The following RBFOX1 variants were observed in gnomAD, a reference collection of about 807,000 sequenced individuals.
RBFOX1 encodes RNA binding fox-1 homolog 1.
Under a neutral mutation model 57.7 loss-of-function variants are expected in RBFOX1, and 8 were observed. The ratio of observed to expected loss-of-function variants is 0.14; its 90% CI spans 0.08 to 0.25. RBFOX1 has a LOEUF of 0.25. RBFOX1 is among the 10% of genes least tolerant of loss of function. The pLI, the probability that RBFOX1 is intolerant of heterozygous loss-of-function variation, is 1.00. For synonymous variants in RBFOX1, 326 were observed against 222.4 expected (o/e 1.47, Z -4.15); for missense variants, 611 against 548.5 (o/e 1.11, Z -1.14).
intron 4 of RBFOX1, among the ~76,000 whole-genome samples, chr16:7,205,515 G>GA (rs60458342): frequency 0.05 from 6,217 of 125,448 alleles, 413 homozygotes; most frequent in African/African-American, 0.17. Flanking sequence ...TCTGTCTCAG[G>GA]AAAAAAAAAA....
At chr16:7,452,380 C>T (rs955229715) in intron 4 of RBFOX1, among the ~76,000 whole-genome samples, 7 of 152,174 alleles carry the variant, frequency 4.6e-5, no homozygotes, top group African/African-American at 1.7e-4. Context: ...ACACACGGTG[C>T]CTGGTGCATC....
intron 8 of RBFOX1, chr16:7,597,142 G>T: frequency 2.5e-6 from 1 of 399,512 alleles, no homozygotes; most frequent in Non-Finnish European, 4.4e-6. Flanking sequence ...CACTCTTAAT[G>T]ATATGACATT....
At chr16:5,405,173 AG>A (rs1485783880) in intron 1 of RBFOX1, among the ~76,000 whole-genome samples, 5 of 152,174 alleles carry the variant, frequency 3.3e-5, no homozygotes, top group Admixed American at 6.5e-5. Flanking sequence ...TGGTGTGCCC[AG>A]GGTGGGCCAG....
intron 3 of RBFOX1, among the ~76,000 whole-genome samples, chr16:5,792,838 C>A (rs2054747730): frequency 6.6e-6 from 1 of 151,520 alleles, no homozygotes; most frequent in East Asian, 1.9e-4. Flanking sequence ...AGCGAGACTC[C>A]ATCTCAAAAA....
intron 3 of RBFOX1, among the ~76,000 whole-genome samples, chr16:6,850,409 G>C (rs544749665): frequency 1.3e-5 from 2 of 152,166 alleles, no homozygotes; most frequent in Admixed American, 6.5e-5. Context: ...GCTTCTCTGA[G>C]GAGGTGATGT....
chr16:7,453,094 A>G (rs537921550), intron 4 of RBFOX1, among the ~76,000 whole-genome samples: 2 of 147,628 alleles, frequency 1.4e-5, no homozygotes, highest in African/African-American at 5.0e-5. Context: ...GCACCACTGC[A>G]CTCCAGGCTG....
At chr16:5,622,131 G>A (rs747717359) in intron 3 of RBFOX1, among the ~76,000 whole-genome samples, 2 of 152,110 alleles carry the variant, frequency 1.3e-5, no homozygotes, top group Non-Finnish European at 2.9e-5. Context: ...TTTCCCCAAC[G>A]TTCTCAGCAA....
intron 4 of RBFOX1, among the ~76,000 whole-genome samples, chr16:7,320,000 G>C (rs909397440): frequency 1.3e-5 from 2 of 152,170 alleles, no homozygotes; most frequent in African/African-American, 4.8e-5. Context: ...ATATCTTCTA[G>C]GACTGCCTTT....
At chr16:5,595,323 G>C (rs115436429) in intron 2 of RBFOX1, among the ~76,000 whole-genome samples, 1,724 of 152,274 alleles carry the variant, frequency 0.011, 34 homozygotes, top group African/African-American at 0.039. Context: ...CTCTGCCTGG[G>C]TCACTGTCTT....
rs115521224 is a variant in RBFOX1, at chr16:5,324,928, A to T, written c.219+84823A>T. On this transcript the variant is annotated intron_variant, in intron 1 of 2. Coordinates refer to the RBFOX1 transcript ENST00000585867. Reference sequence around the variant, plus strand: ...TTTATCCCCAGTCTTTGTCACAGGGACACTCAGCCAGCTGGCCACAGAACC... The same window carrying T: ...TTTATCCCCAGTCTTTGTCACAGGGTCACTCAGCCAGCTGGCCACAGAACC... 5.8e-3 allele frequency among the ~76,000 whole-genome samples: 889 copies of T among 152,298 alleles called. 10 individuals are homozygous for T. Among genetic ancestry groups the T allele is most frequent in the African/African-American group, 0.02 (840 of 41,568 alleles).
intron 2 of RBFOX1, among the ~76,000 whole-genome samples, chr16:6,478,429 A>ATATATATTTTT (rs1159954387): frequency 3.2e-4 from 8 of 24,618 alleles, no homozygotes; most frequent in Non-Finnish European, 5.5e-4. Flanking sequence ...ATATATATAT[A>ATATATATTTTT]TTTTTTTTTT....
rs559758154 is a variant in RBFOX1 at position 7,450,260 on chromosome 16, G to C, written c.28-67887G>C. 1.5e-3 allele frequency among the ~76,000 whole-genome samples: 233 copies of C among 152,060 alleles called. 1 individual carries two copies. Among genetic ancestry groups the C allele is most frequent in the African/African-American group, 5.5e-3 (227 of 41,498 alleles). ...AATACAAAAATTAGCTGGGCATGGT[G>C]ACATACGCCTGTAATCCCAGCTACT... On this transcript the variant is annotated intron_variant, in intron 4 of 15. Transcript: ENST00000550418.
intron 1 of RBFOX1, among the ~76,000 whole-genome samples, chr16:6,166,534 CAGGT>C (rs2096918648): frequency 6.6e-6 from 1 of 152,134 alleles, no homozygotes; most frequent in East Asian, 1.9e-4. Flanking sequence ...GTTTCATTCT[CAGGT>C]AGACAGTCTT....
intron 11 of RBFOX1, among the ~76,000 whole-genome samples, chr16:7,632,501 C>T (rs995937727): frequency 6.6e-6 from 1 of 152,188 alleles, no homozygotes; most frequent in African/African-American, 2.4e-5. Flanking sequence ...GGAGGGCAAT[C>T]CCAGAGCCAG....
intron 3 of RBFOX1, among the ~76,000 whole-genome samples, chr16:7,013,145 C>T (rs2093731451): frequency 6.6e-6 from 1 of 152,142 alleles, no homozygotes; most frequent in Non-Finnish European, 1.5e-5. Flanking sequence ...AGGGATTTCA[C>T]ATACAAATTT....
intron 1 of RBFOX1, among the ~76,000 whole-genome samples, chr16:6,243,273 T>C (rs570490152): frequency 6.6e-6 from 1 of 152,296 alleles, no homozygotes; most frequent in East Asian, 1.9e-4. Flanking sequence ...TTCACATCTT[T>C]GAAGAGATTT....
chr16:6,930,155 G>A (rs1165318342), intron 3 of RBFOX1, among the ~76,000 whole-genome samples: 1 of 152,154 alleles, frequency 6.6e-6, no homozygotes, highest in African/African-American at 2.4e-5. Flanking sequence ...GAAATAAAGA[G>A]AAGAGAGATA....
At chr16:7,009,416 A>G (rs1202745679) in intron 3 of RBFOX1, among the ~76,000 whole-genome samples, 3 of 151,810 alleles carry the variant, frequency 2.0e-5, no homozygotes, top group African/African-American at 4.8e-5. Flanking sequence ...TGACAAATCC[A>G]CAGGCCTTGC....
At chr16:6,246,636 T>G (rs933058173) in intron 1 of RBFOX1, among the ~76,000 whole-genome samples, 1 of 152,146 alleles carries the variant, frequency 6.6e-6, no homozygotes, top group African/African-American at 2.4e-5. Flanking sequence ...TGAGAAAATA[T>G]GCCAGGATGC....
Sources: allele counts gnomAD v4.1 joint callset (sites outside exome capture counted in the v4.1 genomes callset), GRCh38; gene constraint gnomAD v4.1.1; transcripts MANE v1.5; gene names NCBI Gene and HGNC (gene_info 2026-07-23, HGNC 2026-07-21).